Variants in PXDN observed in about 807,000 individuals in gnomAD.
PXDN encodes peroxidasin homolog.
A neutral mutation model predicts 140.3 loss-of-function variants in PXDN; 77 were observed. The ratio of observed to expected loss-of-function variants is 0.55; its 90% CI spans 0.46 to 0.66. PXDN has a LOEUF of 0.66. Among genes scored for constraint, PXDN ranks in the 30% least tolerant of loss-of-function variants. The pLI is 0.00. For missense variants in PXDN, 1,838 were observed against 2,039.5 expected, an observed-to-expected ratio of 0.90 and a Z score of 1.90; for synonymous variants, 911 against 857.4, an observed-to-expected ratio of 1.06 and a Z score of -1.09.
At chr2:1,707,076 C>A (rs1402415457) in intron 1 of PXDN, among the ~76,000 whole-genome samples, 1 of 109,612 alleles carries the variant, frequency 9.1e-6, no homozygotes, top group Non-Finnish European at 1.9e-5. Flanking sequence ...CATCACCTGC[C>A]CCACTAATTA....
In PXDN at chr2:1,677,055, C is replaced by T. The variant is rs768265791; in HGVS notation, c.731-11G>A. On this transcript the variant is annotated splice_polypyrimidine_tract_variant and intron_variant, in intron 7 of 22. Coordinates refer to ENST00000252804, the MANE Select transcript of PXDN (RefSeq NM_012293.3). ...TGATCCGGGGCCTTTCTGTGCCCAACCAGAAAATGGAAACCTTTTTAGTCT... is the reference window on the plus strand; with the variant it reads ...TGATCCGGGGCCTTTCTGTGCCCAATCAGAAAATGGAAACCTTTTTAGTCT... 9 of 1,575,122 alleles carry T rather than the reference C, an allele frequency of 5.7e-6. No homozygotes were observed. The highest frequency in any genetic ancestry group is 4.6e-5 in the East Asian group (2 of 43,808).
At chr2:1,671,755 G>A (rs1317369180) in intron 9 of PXDN, among the ~76,000 whole-genome samples, 3 of 152,110 alleles carry the variant, frequency 2.0e-5, no homozygotes, top group Non-Finnish European at 2.9e-5. Flanking sequence ...ACCATAGTCC[G>A]TGACAGCAGT....
At chr2:1,712,746 C>T (rs1284344946) in intron 1 of PXDN, among the ~76,000 whole-genome samples, 5 of 152,000 alleles carry the variant, frequency 3.3e-5, no homozygotes, top group South Asian at 2.1e-4. Flanking sequence ...TTTTTGGAGA[C>T]GGAGTTTTGC....
chr2:1,663,486 C>T (rs773051392), intron 12 of PXDN, 119 bp downstream of exon 12: 559 of 1,373,946 alleles, frequency 4.1e-4, no homozygotes, highest in Middle Eastern at 2.3e-3. Flanking sequence ...GCACAAAATG[C>T]AGAGAGAACA....
intron 1 of PXDN, among the ~76,000 whole-genome samples, chr2:1,712,203 C>T (rs1684801446): frequency 6.6e-6 from 1 of 152,076 alleles, no homozygotes; most frequent in Admixed American, 6.6e-5. Context: ...AAAGTACTGA[C>T]AAATTGAAAG....
intron 14 of PXDN, among the ~76,000 whole-genome samples, chr2:1,657,903 G>A (rs1378924783): frequency 1.4e-5 from 2 of 143,884 alleles, no homozygotes; most frequent in African/African-American, 5.3e-5. Context: ...CCTCCTGACT[G>A]AGACCTAGTC....
At chr2:1,698,550 T>C (rs916489266) in intron 1 of PXDN, among the ~76,000 whole-genome samples, 3 of 152,120 alleles carry the variant, frequency 2.0e-5, no homozygotes, top group Non-Finnish European at 4.4e-5. Context: ...AAATCGGAAT[T>C]TAGAAACTAA....
chr2:1,733,325 A>G (rs1685352650), intron 1 of PXDN, among the ~76,000 whole-genome samples: 1 of 152,216 alleles, frequency 6.6e-6, no homozygotes, highest in Admixed American at 6.5e-5. Context: ...TCATAATCCA[A>G]TTGCTCCACA....
At chr2:1,676,816 G>A (rs778993124) in intron 8 of PXDN, 111 bp downstream of exon 8, 21 of 985,848 alleles carry the variant, frequency 2.1e-5, no homozygotes, top group Admixed American at 6.0e-5. Context: ...TTTTCCCTAC[G>A]TGGAGGAGGA....
upstream of PXDN, chr2:1,744,643 C>G (rs1354552251): frequency 6.3e-6 from 3 of 477,938 alleles, no homozygotes; most frequent in Non-Finnish European, 9.5e-6. Flanking sequence ...AACCCGGGGC[C>G]CCAGCGTCCG....
intron 17 of PXDN, among the ~76,000 whole-genome samples, chr2:1,647,621 C>T (rs746732481): frequency 2.0e-5 from 3 of 152,192 alleles, no homozygotes; most frequent in Non-Finnish European, 4.4e-5. Flanking sequence ...CCATCTGTGG[C>T]GGTCATGGGC....
intron 12 of PXDN, 58 bp from the exon 13 acceptor site, chr2:1,662,242 G>C (rs966417264): frequency 5.1e-5 from 73 of 1,442,924 alleles, no homozygotes; most frequent in Non-Finnish European, 6.6e-5. Flanking sequence ...AAAAACTTCA[G>C]AAGAACAAAA....
At position 1,680,309 on chromosome 2, in the gene PXDN, T is replaced by C. The variant is rs1401768076; in HGVS notation, c.614A>G (p.Asp205Gly). 1.2e-6 allele frequency: 2 copies of C among 1,613,904 alleles called. No homozygotes were observed. Among genetic ancestry groups the C allele is most frequent in the African/African-American group, 2.7e-5 (2 of 74,934 alleles). The change falls in exon 7 of 23, where the codon GAT becomes GGT. Residue 205 changes from aspartate (D) to glycine (G), a missense_variant. Transcript: ENST00000252804. ...CGACTCCGCGTAGGTTTTCAGCAAA[T>C]CCGCCAACCACAGGATTTCACAGTC... is the stretch of plus-strand genomic sequence containing the variant. ...HCDCEILWLA[D>G]LLKTYAESGN...
At chr2:1,701,370 T>C (rs1195208152) in intron 1 of PXDN, among the ~76,000 whole-genome samples, 2 of 152,198 alleles carry the variant, frequency 1.3e-5, no homozygotes, top group Non-Finnish European at 2.9e-5. Context: ...GCTTCTGTAC[T>C]TAACATATGT....
At chr2:1,712,997 C>T (rs930812739) in intron 1 of PXDN, among the ~76,000 whole-genome samples, 1 of 152,122 alleles carries the variant, frequency 6.6e-6, no homozygotes, top group Non-Finnish European at 1.5e-5. Flanking sequence ...AGTGCTGGGA[C>T]TACAGGCGTG....
At chr2:1,740,901 T>C (rs951975728) in intron 1 of PXDN, among the ~76,000 whole-genome samples, 4 of 152,304 alleles carry the variant, frequency 2.6e-5, no homozygotes, top group African/African-American at 7.2e-5. Flanking sequence ...GCCTGTGGTT[T>C]CTCTGCAATG....
intron 16 of PXDN, among the ~76,000 whole-genome samples, chr2:1,652,675 G>A (rs1350377850): frequency 6.6e-6 from 1 of 151,998 alleles, no homozygotes; most frequent in African/African-American, 2.4e-5. Flanking sequence ...ATTGGCTGGT[G>A]CCCAGGCTTC....
chr2:1,682,848 G>T lies in PXDN; in HGVS notation c.560+808C>A, dbSNP rs546805232. ...CCAGCTACTAGGGAGGCTGAGGCAC[G>T]AGAATTGCTTGAACCTGGGAGGCAG... On this transcript the variant is annotated intron_variant, in intron 6 of 22. Transcript: ENST00000252804. Among the ~76,000 whole-genome samples the T allele has an allele frequency of 3.8e-3, 581 of 151,996 alleles. 6 individuals carry two copies. Among genetic ancestry groups the T allele is most frequent in the Non-Finnish European group, 5.9e-3 (404 of 67,982 alleles).
chr2:1,666,137 G>T, intron 10 of PXDN, 77 bp downstream of exon 10: 3 of 1,552,204 alleles, frequency 1.9e-6, no homozygotes, highest in South Asian at 1.2e-5. Context: ...GAGCGTCTGT[G>T]GGTATGGCAG....
Sources: gnomAD v4.1 joint callset for allele counts (sites outside exome capture counted in the v4.1 genomes callset) on GRCh38, gnomAD v4.1.1 for gene constraint, MANE v1.5 for transcripts, NCBI Gene and HGNC (gene_info 2026-07-23, HGNC 2026-07-21) for gene names.